Variants in SUCLG2 observed in about 807,000 individuals in gnomAD.
SUCLG2 encodes succinate--CoA ligase [GDP-forming] subunit beta, mitochondrial.
SUCLG2 carries 42 observed loss-of-function variants against 47.9 expected under a neutral mutation model. The ratio of observed to expected loss-of-function variants is 0.88; its 90% confidence interval spans 0.69 to 1.14. SUCLG2 has a LOEUF of 1.14. SUCLG2 is among the 50% of genes most tolerant of loss of function. SUCLG2 has a pLI of 0.00. For synonymous variants in SUCLG2, 195 were observed against 197.3 expected, an observed-to-expected ratio of 0.99 and a Z score of 0.10; for missense variants, 571 against 525.9, an observed-to-expected ratio of 1.09 and a Z score of -0.84.
chr3:67,607,757 T>A (rs1023280501), intron 2 of SUCLG2, among the ~76,000 whole-genome samples: 5 of 152,188 alleles, frequency 3.3e-5, no homozygotes, highest in South Asian at 2.1e-4. Flanking sequence ...TGGGGCAGTT[T>A]TCCCCATACT....
chr3:67,467,233 G>C (rs147744917), intron 9 of SUCLG2, among the ~76,000 whole-genome samples: 1 of 152,048 alleles, frequency 6.6e-6, no homozygotes, highest in Non-Finnish European at 1.5e-5. Context: ...ACTATCCTCC[G>C]AAATCTTTTA....
chr3:67,642,238 G>T (rs1252857430), intron 1 of SUCLG2, among the ~76,000 whole-genome samples: 2 of 152,198 alleles, frequency 1.3e-5, no homozygotes, highest in Non-Finnish European at 2.9e-5. Context: ...ATCCTGAGGA[G>T]ATGTGCAGGG....
In SUCLG2 at chr3:67,582,803, C is replaced by G. The variant is rs77502478; in HGVS notation, c.226+26652G>C. 4.0e-3 allele frequency among the ~76,000 whole-genome samples: 606 copies of G among 152,216 alleles called. 4 individuals are homozygous for G. The highest frequency in any genetic ancestry group is 7.2e-3 in the Non-Finnish European group (490 of 68,012). Reference sequence around the variant, plus strand: ...GCTATTTTTGACTTTTTACTAGTAGCCATTCTGACTGACTACACCACACAT... The same window carrying G: ...GCTATTTTTGACTTTTTACTAGTAGGCATTCTGACTGACTACACCACACAT... On this transcript the variant is annotated intron_variant, in intron 2 of 10. Coordinates refer to ENST00000307227, the MANE Select transcript of SUCLG2 (RefSeq NM_003848.4).
At chr3:67,563,877 C>A (rs556719231) in intron 2 of SUCLG2, among the ~76,000 whole-genome samples, 1 of 148,656 alleles carries the variant, frequency 6.7e-6, no homozygotes. Flanking sequence ...AGGAGAATGG[C>A]GTGAACCCGA....
intron 9 of SUCLG2, among the ~76,000 whole-genome samples, chr3:67,409,395 C>A (rs1430209172): frequency 6.6e-6 from 1 of 152,066 alleles, no homozygotes; most frequent in Non-Finnish European, 1.5e-5. Context: ...ATCATCAATA[C>A]AGATTTTAGA....
chr3:67,586,469 G>GTT (rs1361497542), intron 2 of SUCLG2, among the ~76,000 whole-genome samples: 1 of 152,152 alleles, frequency 6.6e-6, no homozygotes, highest in Non-Finnish European at 1.5e-5. Context: ...TCAGAAACAG[G>GTT]TAAGTTTTGT....
At chr3:67,577,562 T>C (rs1707775895) in intron 2 of SUCLG2, among the ~76,000 whole-genome samples, 1 of 152,180 alleles carries the variant, frequency 6.6e-6, no homozygotes, top group Non-Finnish European at 1.5e-5. Context: ...TAAAAGACTT[T>C]TCATATTATA....
At chr3:67,618,291 G>A (rs945469107) in intron 1 of SUCLG2, among the ~76,000 whole-genome samples, 22 of 152,192 alleles carry the variant, frequency 1.4e-4, no homozygotes, top group African/African-American at 1.9e-4. Context: ...GTGGTGGTGC[G>A]TGCCTGTAGT....
chr3:67,553,360 T>G (rs538313199), intron 2 of SUCLG2, among the ~76,000 whole-genome samples: 8 of 152,354 alleles, frequency 5.3e-5, no homozygotes, highest in African/African-American at 1.9e-4. Flanking sequence ...AATATTTGCT[T>G]TAATAAAGTG....
chr3:67,563,750 G>A (rs1240867019), intron 2 of SUCLG2, among the ~76,000 whole-genome samples: 1 of 152,052 alleles, frequency 6.6e-6, no homozygotes, highest in Non-Finnish European at 1.5e-5. Flanking sequence ...ACAAGGTCAG[G>A]AGATCGAGAC....
At chr3:67,640,922 A>G (rs1317648448) in intron 1 of SUCLG2, among the ~76,000 whole-genome samples, 1 of 152,228 alleles carries the variant, frequency 6.6e-6, no homozygotes, top group Admixed American at 6.5e-5. Flanking sequence ...GGCCTGGAAC[A>G]TAGGTAGTAA....
intron 1 of SUCLG2, among the ~76,000 whole-genome samples, chr3:67,627,019 A>G (rs2107345402): frequency 6.7e-6 from 1 of 149,426 alleles, no homozygotes; most frequent in Middle Eastern, 3.4e-3. Context: ...TTTTGTTTTT[A>G]AAAAAGGACT....
rs187730343 is a variant in SUCLG2 at position 67,578,337 on chromosome 3, C to G, written c.226+31118G>C. Among the ~76,000 whole-genome samples, 121 of 148,644 alleles carry G rather than the reference C, an allele frequency of 8.1e-4. 1 individual carries two copies. The highest frequency in any genetic ancestry group is 2.7e-3 in the African/African-American group (109 of 40,460). On this transcript the variant is annotated intron_variant, in intron 2 of 10. Transcript: ENST00000307227. ...ATGATTTTAAAGCCTATTCTATATC[C>G]AAGAGGTAAAGAAATAGTGGCAACT... is the stretch of plus-strand genomic sequence containing the variant.
chr3:67,562,650 G>C (rs1237475052), intron 2 of SUCLG2, among the ~76,000 whole-genome samples: 1 of 152,174 alleles, frequency 6.6e-6, no homozygotes, highest in Non-Finnish European at 1.5e-5. Context: ...ATGGTTAATG[G>C]TCAAGTGTAT....
intron 9 of SUCLG2, among the ~76,000 whole-genome samples, chr3:67,490,051 A>G (rs1705166749): frequency 6.6e-6 from 1 of 152,190 alleles, no homozygotes; most frequent in Admixed American, 6.5e-5. Context: ...GCCCTATAAA[A>G]GTCTTCCCTT....
chr3:67,647,327 C>G (rs1469049978), intron 1 of SUCLG2, among the ~76,000 whole-genome samples: 1 of 152,150 alleles, frequency 6.6e-6, no homozygotes, highest in Non-Finnish European at 1.5e-5. Flanking sequence ...TGGCTACTGC[C>G]TAAGTCCTAT....
chr3:67,649,490 G>A (rs1324421535), intron 1 of SUCLG2, among the ~76,000 whole-genome samples: 8 of 152,080 alleles, frequency 5.3e-5, no homozygotes, highest in Non-Finnish European at 1.0e-4. Flanking sequence ...GCTTTCTGAA[G>A]CCCCATTTAG....
chr3:67,503,498 C>T (rs1705556267), intron 7 of SUCLG2, among the ~76,000 whole-genome samples: 1 of 152,120 alleles, frequency 6.6e-6, no homozygotes. Context: ...AACAGCAGGG[C>T]GATAAAATAA....
chr3:67,639,842 A>G (rs1322407496), intron 1 of SUCLG2, among the ~76,000 whole-genome samples: 1 of 152,168 alleles, frequency 6.6e-6, no homozygotes, highest in Non-Finnish European at 1.5e-5. Flanking sequence ...CCAGGGAACA[A>G]TAAGAAAAGT....
Sources: allele counts gnomAD v4.1 joint callset (sites outside exome capture counted in the v4.1 genomes callset), GRCh38; gene constraint gnomAD v4.1.1; transcripts MANE v1.5; gene names NCBI Gene and HGNC (gene_info 2026-07-23, HGNC 2026-07-21).